SLC14A1: variants seen among roughly 807,000 people sequenced by gnomAD.
The protein encoded by SLC14A1 is urea transporter 1.
In SLC14A1, 36 loss-of-function variants were observed where a neutral mutation model predicts 39.6. That is an observed-to-expected ratio of 0.91 (90% CI 0.70 to 1.20). SLC14A1 has a LOEUF of 1.20. Ranked by LOEUF, SLC14A1 falls within the 50% of genes most tolerant of loss-of-function variation. SLC14A1 has a pLI of 0.00. For synonymous variants in SLC14A1, 164 were observed against 173.6 expected, an observed-to-expected ratio of 0.94 and a Z score of 0.43; for missense variants, 469 against 478.7, an observed-to-expected ratio of 0.98 and a Z score of 0.19.
intron 4 of SLC14A1, among the ~76,000 whole-genome samples, chr18:45,733,737 A>G (rs1288218044): frequency 1.3e-5 from 2 of 152,136 alleles, no homozygotes; most frequent in Admixed American, 1.3e-4. Flanking sequence ...GGGGTCCCCA[A>G]CCCCTGCACT....
At chr18:45,745,638 A>G (rs561421423) in intron 8 of SLC14A1, among the ~76,000 whole-genome samples, 2 of 152,254 alleles carry the variant, frequency 1.3e-5, no homozygotes, top group African/African-American at 2.4e-5. Context: ...TCTGTAAGAA[A>G]GAAGATTCAC....
At chr18:45,739,416 G>A (rs2047291770) in intron 7 of SLC14A1, 106 bp downstream of exon 7, 2 of 1,605,688 alleles carry the variant, frequency 1.2e-6, no homozygotes, top group Non-Finnish European at 1.7e-6. Context: ...GGCTTCCTAG[G>A]GACCAATGGG....
chr18:45,731,716 G>C (rs898337082), intron 4 of SLC14A1: 13 of 210,338 alleles, frequency 6.2e-5, no homozygotes, highest in Non-Finnish European at 1.1e-4. Flanking sequence ...AAGCCTTAGT[G>C]AGTCTTCTGA....
intron 2 of SLC14A1, among the ~76,000 whole-genome samples, 175 bp downstream of exon 2, chr18:45,725,188 A>G (rs2046831260): frequency 6.6e-6 from 1 of 152,184 alleles, no homozygotes; most frequent in South Asian, 2.1e-4. Context: ...TTTCTAATAC[A>G]TGCTGGCAAT....
chr18:45,746,184 G>A (rs1372337301), intron 8 of SLC14A1, among the ~76,000 whole-genome samples: 1 of 152,226 alleles, frequency 6.6e-6, no homozygotes, highest in Admixed American at 6.5e-5. Context: ...GGACTCACCT[G>A]TGGCAGTCCA....
In SLC14A1 at chr18:45,750,450, G is replaced by A. The variant is rs1199623584; in HGVS notation, c.*499G>A. 3.8e-6 allele frequency: 4 copies of A among 1,055,280 alleles called. No homozygotes were observed. The highest frequency in any genetic ancestry group is 3.4e-5 in the African/African-American group (2 of 58,500). 65.4% of individuals were successfully genotyped at this position (1,055,280 alleles called of 1,614,324 possible). A position where few individuals can be genotyped will look rare whatever the true frequency, so the allele number is the denominator to read the frequency against. On this transcript the variant is annotated 3_prime_UTR_variant, in exon 10 of 10. Transcript: ENST00000321925. ...AAGTTACACATTATAGCCAGAATCT[G>A]TATCACAGAGGTGCAAGCTGACAGC... is the stretch of plus-strand genomic sequence containing the variant.
At chr18:45,734,851 G>C (rs545636438) in intron 5 of SLC14A1, among the ~76,000 whole-genome samples, 1 of 152,272 alleles carries the variant, frequency 6.6e-6, no homozygotes, top group East Asian at 1.9e-4. Context: ...AGTTAAAATG[G>C]TAAATTTAAA....
chr18:45,740,638 C>T (rs1356009217), intron 8 of SLC14A1, among the ~76,000 whole-genome samples: 2 of 152,052 alleles, frequency 1.3e-5, no homozygotes, highest in South Asian at 4.2e-4. Context: ...TGGGCTCAAG[C>T]AATCCTGCAG....
intron 6 of SLC14A1, 147 bp downstream of exon 6, chr18:45,736,795 T>G: frequency 1.3e-6 from 1 of 749,684 alleles, no homozygotes; most frequent in Non-Finnish European, 2.4e-6. Context: ...AAAGCATTTG[T>G]TCTACTCCAG....
intron 8 of SLC14A1, among the ~76,000 whole-genome samples, chr18:45,743,538 T>C (rs983304339): frequency 3.3e-5 from 5 of 152,224 alleles, no homozygotes; most frequent in African/African-American, 1.2e-4. Flanking sequence ...TGCTTATGAA[T>C]GTAAGCAAAT....
intron 2 of SLC14A1, among the ~76,000 whole-genome samples, 199 bp downstream of exon 2, chr18:45,725,212 T>A (rs1319008545): frequency 6.6e-6 from 1 of 152,226 alleles, no homozygotes; most frequent in Non-Finnish European, 1.5e-5. Flanking sequence ...ATATATTTTA[T>A]TTCGTGTAAT....
In SLC14A1 at chr18:45,730,421, C is replaced by T; in HGVS notation, c.101C>T (p.Ala34Val). The T allele has an allele frequency of 6.2e-7, 1 of 1,614,206 alleles. No homozygotes were observed. Among genetic ancestry groups the T allele is most frequent in the South Asian group, 1.1e-5 (1 of 91,086 alleles). Residue 34 changes from alanine (A) to valine (V), a missense_variant, in exon 3 of 10, where the codon GCT becomes GTT. By Grantham distance (64) the Ala-to-Val change is moderately conservative. Transcript: ENST00000321925. ...CAAGGGAGAAGGTGCTTCCCCAAAG[C>T]TCTTGGCTATGTCACCGGTGACATG... is the stretch of plus-strand genomic sequence containing the variant. ...PCQGRRCFPKALGYVTGDMKE... is the reference protein window; with the variant it reads ...PCQGRRCFPKVLGYVTGDMKE...
At chr18:45,745,635 G>T (rs1048495153) in intron 8 of SLC14A1, among the ~76,000 whole-genome samples, 7 of 152,196 alleles carry the variant, frequency 4.6e-5, no homozygotes, top group Non-Finnish European at 1.5e-5. Context: ...ATTTCTGTAA[G>T]AAAGAAGATT....
intron 8 of SLC14A1, among the ~76,000 whole-genome samples, chr18:45,745,123 G>A (rs1317554169): frequency 6.6e-6 from 1 of 152,168 alleles, no homozygotes; most frequent in Non-Finnish European, 1.5e-5. Context: ...CGCGCCTATA[G>A]TCCCAGCTAC....
At chr18:45,732,369 C>T (rs1429294160) in intron 4 of SLC14A1, among the ~76,000 whole-genome samples, 2 of 152,322 alleles carry the variant, frequency 1.3e-5, no homozygotes, top group Middle Eastern at 3.4e-3. Context: ...GCATTAACAT[C>T]TCCAAGTCAG....
chr18:45,739,514 T>TC lies in SLC14A1; in HGVS notation c.812-12dup. ...GCCTTTAGTCCTGAGTTCTGACCCCTCCTGTCTTAACAGGACTCAGTCTTT... is the reference window on the plus strand; with the variant it reads ...GCCTTTAGTCCTGAGTTCTGACCCCTCCCTGTCTTAACAGGACTCAGTCTTT... On this transcript the variant is annotated splice_polypyrimidine_tract_variant and intron_variant, in intron 7 of 9. Coordinates refer to ENST00000321925, the MANE Select transcript of SLC14A1 (RefSeq NM_015865.7). 6.2e-7 allele frequency: 1 copy of TC among 1,614,152 alleles called. No individual in the cohort carries two copies. Among genetic ancestry groups the TC allele is most frequent in the Non-Finnish European group, 8.5e-7 (1 of 1,180,000 alleles).
At position 45,731,138 on chromosome 18, in the gene SLC14A1, G is replaced by A. The variant is rs2047017808; in HGVS notation, c.275G>A (p.Trp92Ter). ...GGACTTCTTGTTCAGAACCCCTGGT[G>A]GGCTCTCACTGGCTGGCTGGGAACA... is the stretch of plus-strand genomic sequence containing the variant. ...LVGLLVQNPW[W>*]ALTGWLGTVV... Residue 92 changes from tryptophan to a stop codon, truncating the protein, a stop_gained, in exon 4 of 10, where the codon TGG becomes TAG. Coordinates refer to ENST00000321925, the MANE Select transcript of SLC14A1 (RefSeq NM_015865.7). LOFTEE classifies it high-confidence loss of function. The A allele has an allele frequency of 6.2e-7, 1 of 1,614,148 alleles. No homozygotes were observed.
At chr18:45,727,531 C>T (rs1389294271) in intron 2 of SLC14A1, 4 of 1,261,794 alleles carry the variant, frequency 3.2e-6, no homozygotes, top group Non-Finnish European at 4.3e-6. Flanking sequence ...TGAGCTAAGC[C>T]AAAGGCACAG....
intron 8 of SLC14A1, among the ~76,000 whole-genome samples, chr18:45,746,367 C>G (rs1375993468): frequency 6.6e-6 from 1 of 152,166 alleles, no homozygotes; most frequent in South Asian, 2.1e-4. Context: ...CTTGGCGAGT[C>G]TTAATTGACA....
Sources: allele counts gnomAD v4.1 joint callset (sites outside exome capture counted in the v4.1 genomes callset), GRCh38; gene constraint gnomAD v4.1.1; transcripts MANE v1.5; gene names NCBI Gene and HGNC (gene_info 2026-07-23, HGNC 2026-07-21).